CSMD1: variants seen among roughly 807,000 people sequenced by gnomAD.
The protein encoded by CSMD1 is CUB and sushi domain-containing protein 1.
CSMD1 carries 213 observed loss-of-function variants against 417.5 expected under a neutral mutation model. The ratio of observed to expected loss-of-function variants is 0.51; its 90% CI spans 0.46 to 0.57. The LOEUF (loss-of-function observed/expected upper bound fraction) is 0.57. Ranked by LOEUF, CSMD1 falls within the 20% of genes least tolerant of loss-of-function variation. CSMD1 has a pLI of 0.00. For missense variants in CSMD1, 6,923 were observed against 4,529.7 expected (o/e 1.53, Z -15.17); for synonymous variants, 2,862 against 1,736.8 (o/e 1.65, Z -16.11).
intron 57 of CSMD1, among the ~76,000 whole-genome samples, chr8:2,971,407 G>C (rs915949714): frequency 2.6e-5 from 4 of 152,128 alleles, no homozygotes; most frequent in African/African-American, 4.8e-5. Context: ...ACGTTTCTTC[G>C]TGAACACGGG....
chr8:3,308,701 G>T (rs755894076), intron 23 of CSMD1, among the ~76,000 whole-genome samples, 198 bp from the exon 24 acceptor site: 2 of 145,778 alleles, frequency 1.4e-5, no homozygotes, highest in Admixed American at 1.4e-4. Context: ...CTTGAAGTTC[G>T]GTCATCTTAT....
At chr8:4,445,301 C>T (rs944746892) in intron 2 of CSMD1, among the ~76,000 whole-genome samples, 1 of 152,144 alleles carries the variant, frequency 6.6e-6, no homozygotes, top group Non-Finnish European at 1.5e-5. Context: ...TTAGTTATAT[C>T]TGCCTCATTA....
At chr8:4,574,344 G>A (rs574243333) in intron 2 of CSMD1, among the ~76,000 whole-genome samples, 3 of 152,276 alleles carry the variant, frequency 2.0e-5, no homozygotes, top group East Asian at 1.9e-4. Context: ...CCTCAACGGC[G>A]TAGTCCTTCA....
intron 37 of CSMD1, among the ~76,000 whole-genome samples, chr8:3,173,589 G>C (rs904598877): frequency 1.3e-5 from 2 of 152,188 alleles, no homozygotes; most frequent in Non-Finnish European, 2.9e-5. Context: ...GTCTTAACAT[G>C]AGGCAATGAA....
At chr8:4,000,248 A>G (rs60265508) in intron 4 of CSMD1, among the ~76,000 whole-genome samples, 3,447 of 130,446 alleles carry the variant, frequency 0.026, 104 homozygotes, top group East Asian at 0.12. Context: ...CCCTCCGTGG[A>G]CACCACTGTG....
In CSMD1 at chr8:3,929,719, T is replaced by A. The variant is rs982922854; in HGVS notation, c.818+68184A>T. 8.7e-5 allele frequency among the ~76,000 whole-genome samples: 13 copies of A among 150,102 alleles called. 2 individuals carry two copies. The highest frequency in any genetic ancestry group is 3.0e-4 in the African/African-American group (12 of 40,628). ...CTCTGTCTCCCAGGCTGGAGTGCAT[T>A]GGCACAATCTCGGCTCACTGCAACC... On this transcript the variant is annotated intron_variant, in intron 5 of 69. Coordinates refer to ENST00000635120, the MANE Select transcript of CSMD1 (RefSeq NM_033225.6).
chr8:4,086,652 A>T (rs749079325), intron 3 of CSMD1, among the ~76,000 whole-genome samples: 2 of 152,216 alleles, frequency 1.3e-5, no homozygotes, highest in African/African-American at 2.4e-5. Context: ...AAGCGATTTC[A>T]TTCTTTCTCA....
intron 3 of CSMD1, among the ~76,000 whole-genome samples, chr8:4,169,854 A>AT (rs1563217048): frequency 1.3e-5 from 2 of 151,960 alleles, no homozygotes; most frequent in African/African-American, 4.8e-5. Flanking sequence ...AGCATGCGTC[A>AT]TCATTTAGGA....
Position 3,189,434 on chromosome 8 carries a change from A to C in CSMD1, c.5399-423T>G, listed in dbSNP as rs921124816. Among the ~76,000 whole-genome samples the C allele has an allele frequency of 3.3e-5, 5 of 152,374 alleles. No individual in the cohort carries two copies. In the South Asian group the frequency reaches 1.0e-3, roughly 32 times the overall value. On this transcript the variant is annotated intron_variant, in intron 34 of 69. Coordinates refer to ENST00000635120, the MANE Select transcript of CSMD1 (RefSeq NM_033225.6). ...AAGAGAAGAGGCGCTTAAAATGTAC[A>C]AATGATTCAAGTGCTAATCATGATT...
chr8:4,159,683 G>C (rs530658922), intron 3 of CSMD1, among the ~76,000 whole-genome samples: 1 of 152,092 alleles, frequency 6.6e-6, no homozygotes, highest in Admixed American at 6.5e-5. Flanking sequence ...CCCCCTCCCG[G>C]GTTCACGCCA....
chr8:4,342,416 T>G (rs1039808967), intron 3 of CSMD1, among the ~76,000 whole-genome samples: 3 of 152,110 alleles, frequency 2.0e-5, no homozygotes, highest in African/African-American at 7.2e-5. Flanking sequence ...GGTTAATCAC[T>G]TTCTGAACTG....
At chr8:3,161,359 G>T (rs1172378204) in intron 38 of CSMD1, among the ~76,000 whole-genome samples, 1 of 152,114 alleles carries the variant, frequency 6.6e-6, no homozygotes. Flanking sequence ...GCTCACACCT[G>T]TAATCCCAGC....
At chr8:3,444,155 G>C (rs758932544) in intron 12 of CSMD1, among the ~76,000 whole-genome samples, 2 of 152,102 alleles carry the variant, frequency 1.3e-5, no homozygotes, top group Admixed American at 6.6e-5. Context: ...GATTAATATT[G>C]TAAGTGTCCA....
intron 5 of CSMD1, among the ~76,000 whole-genome samples, chr8:3,947,997 G>C (rs1811352368): frequency 6.6e-6 from 1 of 152,174 alleles, no homozygotes; most frequent in African/African-American, 2.4e-5. Flanking sequence ...CCTGAAGTCA[G>C]GTGTTCGAGA....
At chr8:4,389,166 C>G (rs1423309503) in intron 3 of CSMD1, among the ~76,000 whole-genome samples, 1 of 152,168 alleles carries the variant, frequency 6.6e-6, no homozygotes, top group Non-Finnish European at 1.5e-5. Flanking sequence ...ATTTAAAACA[C>G]AAAATAACAT....
chr8:4,756,901 A>G (rs1442026663), intron 1 of CSMD1, among the ~76,000 whole-genome samples: 1 of 152,252 alleles, frequency 6.6e-6, no homozygotes, highest in Non-Finnish European at 1.5e-5. Context: ...AGTCCAAATC[A>G]TCCTTTAACC....
At chr8:4,498,652 C>G (rs1802096771) in intron 2 of CSMD1, among the ~76,000 whole-genome samples, 1 of 152,108 alleles carries the variant, frequency 6.6e-6, no homozygotes, top group Non-Finnish European at 1.5e-5. Context: ...CTAATTTTAT[C>G]TGCAAAGAGG....
intron 30 of CSMD1, among the ~76,000 whole-genome samples, chr8:3,205,950 G>A (rs190301277): frequency 6.6e-6 from 1 of 152,076 alleles, no homozygotes; most frequent in African/African-American, 2.4e-5. Context: ...GTCTCGCGGA[G>A]TTGTCTGTTC....
chr8:3,304,735 T>TTA (rs369212408), intron 25 of CSMD1, among the ~76,000 whole-genome samples: 102 of 151,570 alleles, frequency 6.7e-4, no homozygotes, highest in African/African-American at 1.9e-3. Flanking sequence ...TTTCTCTTTT[T>TTA]AATTTTTTTT....
Sources: allele counts gnomAD v4.1 joint callset (sites outside exome capture counted in the v4.1 genomes callset), GRCh38; gene constraint gnomAD v4.1.1; transcripts MANE v1.5; gene names NCBI Gene and HGNC (gene_info 2026-07-23, HGNC 2026-07-21).